CRBN: variants seen among roughly 807,000 people sequenced by gnomAD.
CRBN encodes cereblon, also known as protein cereblon.
A neutral mutation model predicts 62.2 loss-of-function variants in CRBN; 53 were observed. The ratio of observed to expected loss-of-function variants is 0.85; its 90% CI spans 0.68 to 1.07. CRBN has a LOEUF of 1.07. Ranked by LOEUF, CRBN falls within the 50% of genes least tolerant of loss-of-function variation. The pLI, the probability that CRBN is intolerant of heterozygous loss-of-function variation, is 0.00. For synonymous variants in CRBN, 208 were observed against 176.1 expected (o/e 1.18, Z -1.43); for missense variants, 616 against 531.1 (o/e 1.16, Z -1.57).
At chr3:3,156,087 A>T in intron 6 of CRBN, 132 bp downstream of exon 6, 5 of 792,248 alleles carry the variant, frequency 6.3e-6, no homozygotes, top group South Asian at 4.7e-5. Flanking sequence ...TACAGGTGTG[A>T]GCCACCACTC....
intron 10 of CRBN, among the ~76,000 whole-genome samples, chr3:3,152,215 A>G (rs955581624): frequency 3.3e-5 from 5 of 151,524 alleles, no homozygotes; most frequent in South Asian, 2.1e-4. Flanking sequence ...CAGTGGCACA[A>G]TCTTGGCTCA....
At chr3:3,179,270 G>A (rs112856113) in intron 1 of CRBN, among the ~76,000 whole-genome samples, 3 of 152,236 alleles carry the variant, frequency 2.0e-5, no homozygotes, top group Admixed American at 6.5e-5. Context: ...AAAGGAAGGA[G>A]ACCAGCAAAA....
chr3:3,168,233 TAAGTA>T (rs1286314393), intron 4 of CRBN, among the ~76,000 whole-genome samples: 1 of 151,768 alleles, frequency 6.6e-6, no homozygotes, highest in Non-Finnish European at 1.5e-5. Context: ...TCATCTAATC[TAAGTA>T]GAGAAAGGAA....
intron 4 of CRBN, among the ~76,000 whole-genome samples, chr3:3,171,298 A>C (rs1192975384): frequency 1.3e-5 from 2 of 152,208 alleles, no homozygotes; most frequent in Non-Finnish European, 2.9e-5. Flanking sequence ...AATAATCAAA[A>C]TTGTATGAAG....
chr3:3,156,359 A>G (rs1575084278), intron 5 of CRBN, 78 bp from the exon 6 acceptor site: 1 of 1,340,340 alleles, frequency 7.5e-7, no homozygotes, highest in Non-Finnish European at 1.1e-6. Context: ...ACATCTGAAA[A>G]ATGATTTTGG....
At chr3:3,161,764 T>C (rs575932921) in intron 5 of CRBN, among the ~76,000 whole-genome samples, 20 of 152,232 alleles carry the variant, frequency 1.3e-4, no homozygotes, top group Non-Finnish European at 2.8e-4. Flanking sequence ...TTAAAAGTTA[T>C]CATAAATATT....
Position 3,150,310 on chromosome 3 carries a change from T to G in CRBN, c.*555A>C, listed in dbSNP as rs1422140525. On this transcript the variant is annotated 3_prime_UTR_variant, in exon 11 of 11. Transcript: ENST00000231948. Reference sequence around the variant, plus strand: ...TGCATATTTTAACTAATTTTCAAAATTTACAAATCAGTATCTCAGAGAAGT... The same window carrying G: ...TGCATATTTTAACTAATTTTCAAAAGTTACAAATCAGTATCTCAGAGAAGT... 1.3e-5 allele frequency: 2 copies of G among 151,736 alleles called. No homozygotes were observed. The highest frequency in any genetic ancestry group is 2.9e-5 in the Non-Finnish European group (2 of 68,360). The allele number at this position is 151,736 out of a possible 1,614,324, so 9.4% of individuals were successfully genotyped here. A position where few individuals can be genotyped will look rare whatever the true frequency, so the allele number is the denominator to read the frequency against.
rs1559241046 is a variant in CRBN, at chr3:3,152,576, CA to C, written c.1027del (p.Cys343ValfsTer8). 1 of 1,614,012 alleles carries C rather than the reference CA, an allele frequency of 6.2e-7. No homozygotes were observed. Among genetic ancestry groups the C allele is most frequent in the Non-Finnish European group, 8.5e-7 (1 of 1,179,998 alleles). On this transcript the variant is annotated frameshift_variant, in exon 10 of 11. Transcript: ENST00000231948. LOFTEE classifies it high-confidence loss of function. ...TKNEIFSLSLCGPMAAYVNPH... is the reference protein window; with the variant it reads ...TKNEIFSLSLXGPMAAYVNPH... ...ATTCACATAAGCTGCCATCGGCCCACATAAGGATAAACTAAAACAAAGAATC... is the reference window on the plus strand; with the variant it reads ...ATTCACATAAGCTGCCATCGGCCCACTAAGGATAAACTAAAACAAAGAATC...
intron 5 of CRBN, 195 bp downstream of exon 5, chr3:3,167,439 C>G (rs925693784): frequency 1.8e-6 from 1 of 566,350 alleles, no homozygotes; most frequent in Non-Finnish European, 3.1e-6. Context: ...AGCTGTGTGA[C>G]ATTTTATTGC....
At chr3:3,172,636 C>T in intron 4 of CRBN, 140 bp downstream of exon 4, 2 of 864,266 alleles carry the variant, frequency 2.3e-6, no homozygotes, top group Non-Finnish European at 3.8e-6. Context: ...TTGGAAACCA[C>T]TGGGCTATAC....
intron 5 of CRBN, among the ~76,000 whole-genome samples, chr3:3,165,698 A>G (rs1707300879): frequency 6.6e-6 from 1 of 152,182 alleles, no homozygotes; most frequent in East Asian, 1.9e-4. Flanking sequence ...AACTCATGAG[A>G]CTAACTTTAT....
intron 4 of CRBN, among the ~76,000 whole-genome samples, chr3:3,168,382 T>A (rs1707439546): frequency 6.6e-6 from 1 of 152,168 alleles, no homozygotes; most frequent in Admixed American, 6.5e-5. Flanking sequence ...TAAATTAGAT[T>A]TTTTCTTAAA....
chr3:3,162,340 C>T (rs535328662), intron 5 of CRBN, among the ~76,000 whole-genome samples: 51 of 151,968 alleles, frequency 3.4e-4, no homozygotes, highest in African/African-American at 1.2e-3. Context: ...AGGATTTTTA[C>T]TGTAGGGGGA....
intron 8 of CRBN, 38 bp downstream of exon 8, chr3:3,153,921 AT>A: frequency 7.7e-7 from 1 of 1,293,446 alleles, no homozygotes. Context: ...TCCAGCCTGA[AT>A]AAAACATGGG....
intron 5 of CRBN, among the ~76,000 whole-genome samples, chr3:3,158,680 T>C (rs985542001): frequency 6.6e-6 from 1 of 152,216 alleles, no homozygotes; most frequent in Admixed American, 6.5e-5. Flanking sequence ...AGTAGTTTAT[T>C]ATCTCCATTC....
At chr3:3,164,430 T>A (rs370044515) in intron 5 of CRBN, among the ~76,000 whole-genome samples, 2 of 152,192 alleles carry the variant, frequency 1.3e-5, no homozygotes, top group African/African-American at 4.8e-5. Flanking sequence ...CAAATTTCCG[T>A]TGAGCCAAAG....
intron 1 of CRBN, among the ~76,000 whole-genome samples, chr3:3,176,912 G>C (rs182265954): frequency 7.3e-4 from 111 of 152,326 alleles, no homozygotes; most frequent in Non-Finnish European, 1.3e-3. Flanking sequence ...ATATGCTATT[G>C]TACTAACTGT....
chr3:3,166,513 A>AT (rs1413997007), intron 5 of CRBN, among the ~76,000 whole-genome samples: 1 of 152,196 alleles, frequency 6.6e-6, no homozygotes, highest in African/African-American at 2.4e-5. Flanking sequence ...GGCAGTATCA[A>AT]TATTACTAAA....
rs779077461 is a variant in CRBN at position 3,156,290 on chromosome 3, A to G, written c.688-9T>C. On this transcript the variant is annotated splice_polypyrimidine_tract_variant and intron_variant, in intron 5 of 10. Coordinates refer to ENST00000231948, the MANE Select transcript of CRBN (RefSeq NM_016302.4). Reference sequence around the variant, plus strand: ...GCACAATGAAACTTTCTCTGAAAACAAAACAAAAAGGCACTTAAAAAACCC... The same window carrying G: ...GCACAATGAAACTTTCTCTGAAAACGAAACAAAAAGGCACTTAAAAAACCC... The G allele has an allele frequency of 1.2e-6, 2 of 1,613,602 alleles. No homozygotes were observed. Among genetic ancestry groups the G allele is most frequent in the Non-Finnish European group, 1.7e-6 (2 of 1,179,550 alleles).
Sources: allele counts gnomAD v4.1 joint callset (sites outside exome capture counted in the v4.1 genomes callset), GRCh38; gene constraint gnomAD v4.1.1; transcripts MANE v1.5; gene names NCBI Gene and HGNC (gene_info 2026-07-23, HGNC 2026-07-21).